The following VPS13A variants were observed in gnomAD, a reference collection of about 807,000 sequenced individuals.
VPS13A encodes the protein vacuolar protein sorting 13 homolog A, also known as intermembrane lipid transfer protein VPS13A.
Under a neutral mutation model 390.9 loss-of-function variants are expected in VPS13A, and 264 were observed. That is an observed-to-expected ratio of 0.68 (90% CI 0.61 to 0.75). The LOEUF (loss-of-function observed/expected upper bound fraction) is 0.75. VPS13A is among the 30% of genes least tolerant of loss of function. The pLI is 0.00. For synonymous variants in VPS13A, 1,231 were observed against 1,227.1 expected, an observed-to-expected ratio of 1.00 and a Z score of -0.07; for missense variants, 3,409 against 3,733.9, an observed-to-expected ratio of 0.91 and a Z score of 2.27.
chr9:77,225,384 C>G (rs115266547), intron 13 of VPS13A, among the ~76,000 whole-genome samples: 1 of 152,030 alleles, frequency 6.6e-6, no homozygotes, highest in African/African-American at 2.4e-5. Context: ...TTAAGTAGCT[C>G]GGACTACAGG....
chr9:77,399,385 G>T (rs985847314), intron 68 of VPS13A, among the ~76,000 whole-genome samples: 1 of 152,110 alleles, frequency 6.6e-6, no homozygotes, highest in Admixed American at 6.6e-5. Context: ...TGGTTTAACT[G>T]CTTATATGCA....
At position 77,340,297 on chromosome 9, in the gene VPS13A, T is replaced by A. The variant is rs1453710763; in HGVS notation, c.6879+15T>A. ...TGGACTATCAAGTGAGTTCATTCTA[T>A]GCTTATCAAGAAACTTTTATTTTAA... is the stretch of plus-strand genomic sequence containing the variant. On this transcript the variant is annotated intron_variant, in intron 49 of 71. Coordinates refer to ENST00000360280, the MANE Select transcript of VPS13A (RefSeq NM_033305.3). The A allele has an allele frequency of 1.2e-6, 2 of 1,609,144 alleles. No individual in the cohort carries two copies. The highest frequency in any genetic ancestry group is 3.3e-5 in the Admixed American group (2 of 59,998).
intron 26 of VPS13A, chr9:77,279,770 G>A (rs1433357129): frequency 5.1e-6 from 1 of 194,434 alleles, no homozygotes; most frequent in Non-Finnish European, 1.1e-5. Flanking sequence ...TGAACAGCTG[G>A]GTTTTCAAGG....
chr9:77,200,109 G>A (rs942010006), intron 2 of VPS13A, 121 bp downstream of exon 2: 74 of 968,442 alleles, frequency 7.6e-5, no homozygotes, highest in Admixed American at 5.4e-4. Flanking sequence ...AATAATTTTT[G>A]CAAAATGTAA....
At chr9:77,181,515 CAA>C (rs1161800764) in intron 1 of VPS13A, among the ~76,000 whole-genome samples, 27 of 80,288 alleles carry the variant, frequency 3.4e-4, no homozygotes, top group African/African-American at 7.1e-4. Context: ...GACCCTGCCT[CAA>C]AAAAAAAAAA....
chr9:77,194,900 C>T (rs922605016), intron 1 of VPS13A, among the ~76,000 whole-genome samples: 2 of 152,122 alleles, frequency 1.3e-5, no homozygotes, highest in Middle Eastern at 3.4e-3. Flanking sequence ...GTCTACTTGG[C>T]CACCCTGACT....
At chr9:77,301,490 C>T (rs893176849) in intron 33 of VPS13A, among the ~76,000 whole-genome samples, 1 of 152,146 alleles carries the variant, frequency 6.6e-6, no homozygotes, top group African/African-American at 2.4e-5. Context: ...TGGCTTGGTA[C>T]AAGGCATTTT....
intron 26 of VPS13A, among the ~76,000 whole-genome samples, chr9:77,279,384 T>A (rs1411654917): frequency 6.6e-6 from 1 of 152,094 alleles, no homozygotes; most frequent in East Asian, 1.9e-4. Context: ...CTTCTCTCTT[T>A]TTCTGCCATG....
chr9:77,368,374 A>C (rs1287379283), intron 62 of VPS13A, among the ~76,000 whole-genome samples: 1 of 152,248 alleles, frequency 6.6e-6, no homozygotes, highest in Admixed American at 6.5e-5. Context: ...CAGGACTGGA[A>C]ATAAATAAAT....
chr9:77,198,768 A>G (rs566943943), intron 1 of VPS13A, among the ~76,000 whole-genome samples: 3 of 151,936 alleles, frequency 2.0e-5, no homozygotes, highest in African/African-American at 7.3e-5. Flanking sequence ...GGTTCAAGCA[A>G]TTCTCCTGCC....
At chr9:77,285,278 G>T (rs1222349951) in intron 31 of VPS13A, among the ~76,000 whole-genome samples, 2 of 152,106 alleles carry the variant, frequency 1.3e-5, no homozygotes, top group Admixed American at 6.6e-5. Context: ...ATATATTATT[G>T]TGCCAGTTTT....
intron 68 of VPS13A, among the ~76,000 whole-genome samples, chr9:77,394,797 T>C (rs1033374386): frequency 6.6e-6 from 1 of 152,214 alleles, no homozygotes; most frequent in Non-Finnish European, 1.5e-5. Context: ...TGTGCTTTTA[T>C]GCTATGGAGG....
intron 11 of VPS13A, 39 bp downstream of exon 11, chr9:77,220,120 G>A (rs773152207): frequency 1.3e-5 from 21 of 1,577,648 alleles, no homozygotes; most frequent in Middle Eastern, 1.7e-4. Flanking sequence ...GTGAATTATT[G>A]TTTGATAAAA....
chr9:77,219,808 T>C, intron 10 of VPS13A, 146 bp from the exon 11 acceptor site: 1 of 768,878 alleles, frequency 1.3e-6, no homozygotes, highest in East Asian at 2.6e-5. Flanking sequence ...ATGGTTCATC[T>C]GACTGAACCA....
chr9:77,245,834 G>GT (rs1386584714), intron 19 of VPS13A, among the ~76,000 whole-genome samples: 3 of 152,164 alleles, frequency 2.0e-5, no homozygotes, highest in Non-Finnish European at 4.4e-5. Context: ...AGGTTTATTT[G>GT]TTTCATGGTT....
At position 77,212,993 on chromosome 9, in the gene VPS13A, T is replaced by C. The variant is rs1826054822; in HGVS notation, c.580T>C (p.Cys194Arg). ...GACAACTGATCAATACTGGGTTCCA[T>C]GTTTACATGATGAAACTGAGAAACT... ...MQTTDQYWVPCLHDETEKLVR... is the reference protein window; with the variant it reads ...MQTTDQYWVPRLHDETEKLVR... Residue 194 changes from cysteine to arginine, a missense_variant, in exon 8 of 72, where the codon TGT (cysteine) becomes CGT (arginine). Coordinates refer to ENST00000360280, the MANE Select transcript of VPS13A (RefSeq NM_033305.3). The C allele has an allele frequency of 1.2e-6, 2 of 1,614,026 alleles. No homozygotes were observed. The highest frequency in any genetic ancestry group is 1.7e-6 in the Non-Finnish European group (2 of 1,179,968).
chr9:77,206,108 A>G (rs760150991), intron 5 of VPS13A, 29 bp downstream of exon 5: 1 of 1,429,780 alleles, frequency 7.0e-7, no homozygotes, highest in African/African-American at 1.4e-5. Flanking sequence ...AACAATGCTA[A>G]TAAGAGAAGT....
At chr9:77,207,252 T>TATATATATATGTATATATATATATAA in intron 5 of VPS13A, among the ~76,000 whole-genome samples, 5 of 87,250 alleles carry the variant, frequency 5.7e-5, no homozygotes, top group Non-Finnish European at 1.2e-4. Flanking sequence ...TATATATATA[T>TATATATATATGTATATATATATATAA]AAAACGTGTT....
chr9:77,340,200 G>C lies in VPS13A; in HGVS notation c.6797G>C (p.Ser2266Thr). The C allele has an allele frequency of 6.2e-7, 1 of 1,613,246 alleles. No homozygotes were observed. The highest frequency in any genetic ancestry group is 8.5e-7 in the Non-Finnish European group (1 of 1,179,588). Residue 2266 changes from serine (S) to threonine (T), a missense_variant, in exon 49 of 72, where the codon AGT becomes ACT. By Grantham distance (58) the Ser-to-Thr change is moderately conservative. Coordinates refer to ENST00000360280, the MANE Select transcript of VPS13A (RefSeq NM_033305.3). ...NNKVQLMVTD[S>T]ELSNQFSIDT... ...TAGGTTCAACTTATGGTAACTGATA[G>C]TGAGTTGTCCAATCAGTTTTCAATT...
Sources: allele counts gnomAD v4.1 joint callset (sites outside exome capture counted in the v4.1 genomes callset), GRCh38; gene constraint gnomAD v4.1.1; transcripts MANE v1.5; gene names NCBI Gene and HGNC (gene_info 2026-07-23, HGNC 2026-07-21).